Variants in GRID1 observed in about 807,000 individuals in gnomAD.
The protein encoded by GRID1 is glutamate receptor ionotropic, delta-1.
GRID1 carries 28 observed loss-of-function variants against 98.0 expected under a neutral mutation model. That is an observed-to-expected ratio of 0.29 (90% CI 0.21 to 0.39). The LOEUF (loss-of-function observed/expected upper bound fraction) is 0.39, where lower values mean the gene tolerates loss of function less well. Among genes scored for constraint, GRID1 ranks in the 10% least tolerant of loss-of-function variants. The pLI is 1.00. For synonymous variants in GRID1, 553 were observed against 538.5 expected, an observed-to-expected ratio of 1.03 and a Z score of -0.37; for missense variants, 1,111 against 1,340.5, an observed-to-expected ratio of 0.83 and a Z score of 2.67.
At chr10:86,088,774 C>G (rs1844101130) in intron 4 of GRID1, among the ~76,000 whole-genome samples, 1 of 152,050 alleles carries the variant, frequency 6.6e-6, no homozygotes, top group African/African-American at 2.4e-5. Flanking sequence ...GAAGGCAGAC[C>G]AGCTCAGGAC....
At chr10:85,819,425 G>A (rs573086774) in intron 8 of GRID1, among the ~76,000 whole-genome samples, 31 of 152,286 alleles carry the variant, frequency 2.0e-4, no homozygotes, top group Non-Finnish European at 3.4e-4. Context: ...TCTGGACTTA[G>A]TAACTTGCTT....
chr10:86,313,134 A>C (rs1255016785), intron 2 of GRID1, among the ~76,000 whole-genome samples: 1 of 152,206 alleles, frequency 6.6e-6, no homozygotes, highest in Non-Finnish European at 1.5e-5. Context: ...AGTCCTGTGG[A>C]GGGAACTGGG....
At chr10:85,864,429 C>A (rs1843195441) in intron 6 of GRID1, among the ~76,000 whole-genome samples, 1 of 152,218 alleles carries the variant, frequency 6.6e-6, no homozygotes, top group Non-Finnish European at 1.5e-5. Flanking sequence ...GCTTCCTGGG[C>A]TCCAAATGCA....
intron 5 of GRID1, among the ~76,000 whole-genome samples, chr10:85,911,853 G>T (rs1349911804): frequency 6.6e-6 from 1 of 152,156 alleles, no homozygotes. Flanking sequence ...GTGTGGAGAG[G>T]AAACATTTTA....
intron 4 of GRID1, among the ~76,000 whole-genome samples, chr10:85,921,598 A>G (rs2131827508): frequency 6.6e-6 from 1 of 152,344 alleles, no homozygotes; most frequent in African/African-American, 2.4e-5. Context: ...CAGACTCTGC[A>G]CAGAAAGGAG....
chr10:85,705,962 C>G (rs1841512774), intron 12 of GRID1, among the ~76,000 whole-genome samples: 1 of 152,164 alleles, frequency 6.6e-6, no homozygotes, highest in Non-Finnish European at 1.5e-5. Context: ...GGACGTATCT[C>G]AAAATAATAA....
At chr10:85,921,283 G>T (rs966418167) in intron 4 of GRID1, among the ~76,000 whole-genome samples, 1 of 152,212 alleles carries the variant, frequency 6.6e-6, no homozygotes, top group Non-Finnish European at 1.5e-5. Flanking sequence ...GGAAAGAAAA[G>T]TGTGCTGTTA....
Position 86,230,753 on chromosome 10 carries a change from T to G in GRID1, c.236-24105A>C, listed in dbSNP as rs537138839. 1.4e-3 allele frequency among the ~76,000 whole-genome samples: 208 copies of G among 152,326 alleles called. 1 individual carries two copies. The highest frequency in any genetic ancestry group is 4.0e-4 in the Non-Finnish European group (27 of 68,036). On this transcript the variant is annotated intron_variant, in intron 2 of 15. Coordinates refer to ENST00000327946, the MANE Select transcript of GRID1 (RefSeq NM_017551.3). ...GTCACCTCCTCCACGAAGACTCCCCTGATTTCTCCCAGATCTCTCCTCTGT... is the reference window on the plus strand; with the variant it reads ...GTCACCTCCTCCACGAAGACTCCCCGGATTTCTCCCAGATCTCTCCTCTGT...
At chr10:85,716,691 A>T (rs1051062068) in intron 12 of GRID1, among the ~76,000 whole-genome samples, 1 of 148,378 alleles carries the variant, frequency 6.7e-6, no homozygotes, top group Non-Finnish European at 1.5e-5. Context: ...TATATATTAT[A>T]TATACATATA....
intron 4 of GRID1, among the ~76,000 whole-genome samples, chr10:86,090,309 C>T (rs1349530455): frequency 6.6e-6 from 1 of 151,634 alleles, no homozygotes; most frequent in Non-Finnish European, 1.5e-5. Flanking sequence ...ACCTGTAGTC[C>T]CAGCTACTTG....
intron 4 of GRID1, among the ~76,000 whole-genome samples, chr10:85,984,074 C>T (rs1589324475): frequency 6.6e-6 from 1 of 152,008 alleles, no homozygotes; most frequent in Non-Finnish European, 1.5e-5. Flanking sequence ...GAATCCAGCC[C>T]TCCTCTCCAT....
chr10:85,916,148 A>C lies in GRID1; in HGVS notation c.780+38T>G, dbSNP rs750386589. 1.1e-5 allele frequency: 16 copies of C among 1,487,232 alleles called. No individual in the cohort carries two copies. In the South Asian group the frequency reaches 1.6e-4, roughly 15 times the overall value. 92.1% of individuals were successfully genotyped at this position (1,487,232 alleles called of 1,614,324 possible). On this transcript the variant is annotated intron_variant, in intron 5 of 15. Transcript: ENST00000327946. This position sits in a 1 kb window ranked among gnomAD's most constrained non-coding sequence, Gnocchi z 4.0. ...GAGCTTTACAAGGGGCTAGGGGCTCAGTCCAGGCCGTGCTCATCACATTTC... is the reference window on the plus strand; with the variant it reads ...GAGCTTTACAAGGGGCTAGGGGCTCCGTCCAGGCCGTGCTCATCACATTTC...
At chr10:85,930,810 C>G (rs1439456437) in intron 4 of GRID1, among the ~76,000 whole-genome samples, 1 of 151,920 alleles carries the variant, frequency 6.6e-6, no homozygotes, top group Non-Finnish European at 1.5e-5. Flanking sequence ...AGAAATAGCA[C>G]CTCTCCAGTA....
intron 8 of GRID1, among the ~76,000 whole-genome samples, chr10:85,815,103 T>C (rs1283238294): frequency 6.6e-6 from 1 of 151,906 alleles, no homozygotes; most frequent in African/African-American, 2.4e-5. Flanking sequence ...CATACAAAAA[T>C]CAATTGCTGG....
At chr10:86,240,573 C>T (rs1846612258) in intron 2 of GRID1, among the ~76,000 whole-genome samples, 1 of 139,986 alleles carries the variant, frequency 7.1e-6, no homozygotes, top group Admixed American at 7.1e-5. Flanking sequence ...AGGGGCCCAC[C>T]TCTTGGGTGG....
intron 4 of GRID1, among the ~76,000 whole-genome samples, chr10:86,121,367 ACAC>A (rs1844663844): frequency 6.7e-6 from 1 of 148,242 alleles, no homozygotes; most frequent in African/African-American, 2.5e-5. Flanking sequence ...ATCACCACCA[ACAC>A]CACCATCTCA....
In GRID1 at chr10:85,886,301, C is replaced by T. The variant is rs117191582; in HGVS notation, c.781-17121G>A. 6.4e-3 allele frequency among the ~76,000 whole-genome samples: 969 copies of T among 152,278 alleles called. 2 individuals carry two copies. The highest frequency in any genetic ancestry group is 0.011 in the Non-Finnish European group (727 of 68,030). On this transcript the variant is annotated intron_variant, in intron 5 of 15. Transcript: ENST00000327946. ...ATCACACTGCAAAGATCAGGGAACC[C>T]GAAGATGCCACTTAGCCTCTGAATT...
intron 12 of GRID1, among the ~76,000 whole-genome samples, chr10:85,654,787 G>C (rs887692457): frequency 1.3e-5 from 2 of 152,236 alleles, no homozygotes; most frequent in Admixed American, 6.5e-5. Flanking sequence ...GCAGGCTGGA[G>C]TTTCCTCACT....
chr10:86,088,309 A>G (rs957454856), intron 4 of GRID1, among the ~76,000 whole-genome samples: 2 of 152,214 alleles, frequency 1.3e-5, no homozygotes, highest in African/African-American at 4.8e-5. Context: ...AGGGAGAGGG[A>G]TAGAGAGAGA....
Sources: allele counts gnomAD v4.1 joint callset (sites outside exome capture counted in the v4.1 genomes callset), GRCh38; gene constraint gnomAD v4.1.1; non-coding constraint Gnocchi (gnomAD v3.1); transcripts MANE v1.5; gene names NCBI Gene and HGNC (gene_info 2026-07-23, HGNC 2026-07-21).